The following NUP155 variants were observed in gnomAD, a reference collection of about 807,000 sequenced individuals.
NUP155 encodes nucleoporin 155.
In NUP155, 71 loss-of-function variants were observed where a neutral mutation model predicts 180.4. The observed-to-expected ratio is 0.39, with a 90% CI of 0.33 to 0.48. The LOEUF (loss-of-function observed/expected upper bound fraction) is 0.48, where lower values mean the gene tolerates loss of function less well. Among genes scored for constraint, NUP155 ranks in the 20% least tolerant of loss-of-function variants. The pLI, the probability that NUP155 is intolerant of heterozygous loss-of-function variation, is 0.91. For synonymous variants in NUP155, 582 were observed against 559.5 expected, an observed-to-expected ratio of 1.04 and a Z score of -0.57; for missense variants, 1,553 against 1,648.9, an observed-to-expected ratio of 0.94 and a Z score of 1.01.
intron 13 of NUP155, 36 bp downstream of exon 13, chr5:37,333,427 T>C (rs748886135): frequency 6.3e-7 from 1 of 1,582,614 alleles, no homozygotes; most frequent in Middle Eastern, 1.7e-4. Flanking sequence ...ATACATCGCT[T>C]ATTTTTGTCA....
intron 6 of NUP155, 93 bp from the exon 7 acceptor site, chr5:37,350,358 T>C (rs1051914811): frequency 2.5e-6 from 2 of 801,562 alleles, no homozygotes; most frequent in Middle Eastern, 2.4e-4. Flanking sequence ...CCTTCAAATC[T>C]TCATGAAATA....
chr5:37,306,505 ACGCCCAGGC>A (rs1743164481), intron 25 of NUP155, among the ~76,000 whole-genome samples: 1 of 152,140 alleles, frequency 6.6e-6, no homozygotes, highest in Admixed American at 6.5e-5. Flanking sequence ...CCCTGCTCTG[ACGCCCAGGC>A]TGGAGTTCTG....
At chr5:37,326,799 A>T (rs1183627453) in intron 18 of NUP155, among the ~76,000 whole-genome samples, 1 of 152,222 alleles carries the variant, frequency 6.6e-6, no homozygotes, top group African/African-American at 2.4e-5. Context: ...CTGTAGACAC[A>T]TGTCACTGAG....
Position 37,331,733 on chromosome 5 carries a change from A to G in NUP155, c.1581T>C (p.Asn527=), listed in dbSNP as rs1311492547. 1 of 1,611,296 alleles carries G rather than the reference A, an allele frequency of 6.2e-7. No individual in the cohort carries two copies. The highest frequency in any genetic ancestry group is 1.1e-5 in the South Asian group (1 of 91,050). ...CAATCTCTTCTCCATCTCCTCCCAC[A>G]TTACTCACAAGTAGATGCCTCAGTT... ...VDQLRHLLVS[N]VGGDGEEIER... is the part of the protein sequence containing the mutation. The change falls in exon 14 of 35, where the codon AAT becomes AAC. Residue 527 remains asparagine (N), a synonymous_variant. Coordinates refer to ENST00000231498, the MANE Select transcript of NUP155 (RefSeq NM_153485.3).
intron 11 of NUP155, among the ~76,000 whole-genome samples, chr5:37,338,337 A>T (rs1055153548): frequency 2.7e-5 from 4 of 149,556 alleles, no homozygotes; most frequent in African/African-American, 1.0e-4. Flanking sequence ...AAAAAAAAAA[A>T]TTTTACAAAA....
chr5:37,354,633 G>GT (rs1269357713), intron 4 of NUP155, among the ~76,000 whole-genome samples: 5 of 149,262 alleles, frequency 3.3e-5, no homozygotes, highest in South Asian at 4.3e-4. Context: ...TTATGTTTCT[G>GT]TTTTTTGCAG....
In NUP155 at chr5:37,291,748, C is replaced by G; in HGVS notation, c.*152G>C. 1.7e-6 allele frequency: 1 copy of G among 603,070 alleles called. No homozygotes were observed. The highest frequency in any genetic ancestry group is 4.7e-4 in the Middle Eastern group (1 of 2,112). 37.4% of individuals were successfully genotyped at this position (603,070 alleles called of 1,614,324 possible). A position where few individuals can be genotyped will look rare whatever the true frequency, so the allele number is the denominator to read the frequency against. On this transcript the variant is annotated 3_prime_UTR_variant, in exon 35 of 35. Transcript: ENST00000231498. ...TAGTCATAAAAAAGAATTCATTTAG[C>G]AAAGGTACTATTTGTAGATATTAGC...
chr5:37,301,670 C>G (rs984510737), intron 29 of NUP155, 120 bp from the exon 30 acceptor site: 1 of 709,914 alleles, frequency 1.4e-6, no homozygotes, highest in Non-Finnish European at 2.6e-6. Flanking sequence ...ATGAAGATTT[C>G]TATCATAATA....
rs371894478 is a variant in NUP155 at position 37,364,188 on chromosome 5, A to G, written c.295+59T>C. The G allele has an allele frequency of 1.5e-5, 20 of 1,365,670 alleles. No individual in the cohort carries two copies. In the Middle Eastern group the frequency reaches 7.1e-4, roughly 49 times the overall value. 84.6% of individuals were successfully genotyped at this position (1,365,670 alleles called of 1,614,324 possible). ...ATTAATTAAACATAGAACAAGAATT[A>G]TAAGAATGAAAAATACCAATTTTAA... is the stretch of plus-strand genomic sequence containing the variant. On this transcript the variant is annotated intron_variant, in intron 2 of 34. Coordinates refer to ENST00000231498, the MANE Select transcript of NUP155 (RefSeq NM_153485.3).
chr5:37,340,556 A>C (rs1350590687), intron 11 of NUP155, among the ~76,000 whole-genome samples: 3 of 152,252 alleles, frequency 2.0e-5, no homozygotes, highest in Non-Finnish European at 4.4e-5. Flanking sequence ...AATATAGACC[A>C]ACAGAATAGA....
chr5:37,360,220 C>A (rs1358287720), intron 3 of NUP155, among the ~76,000 whole-genome samples: 3 of 151,896 alleles, frequency 2.0e-5, no homozygotes, highest in African/African-American at 7.3e-5. Context: ...TGGTGGCTCA[C>A]GCCTGTAATC....
chr5:37,338,538 C>G (rs1745502694), intron 11 of NUP155, among the ~76,000 whole-genome samples: 1 of 151,402 alleles, frequency 6.6e-6, no homozygotes, highest in Non-Finnish European at 1.5e-5. Context: ...TCCCGAGTAG[C>G]TGGGACTACG....
Position 37,294,329 on chromosome 5 carries a change from C to T in NUP155, c.3930G>A (p.Arg1310=). 1 of 1,560,938 alleles carries T rather than the reference C, an allele frequency of 6.4e-7. No individual in the cohort carries two copies. The highest frequency in any genetic ancestry group is 8.8e-7 in the Non-Finnish European group (1 of 1,137,014). Reference sequence around the variant, plus strand: ...TTATGTTATTTAATATTTTCCTTACCCGTGATTTGAACAACTGATCATAAA... The same window carrying T: ...TTATGTTATTTAATATTTTCCTTACTCGTGATTTGAACAACTGATCATAAA... ...LEVYDQLFKS[R]DPFWNRMKKP... The change falls in exon 33 of 35, where the codon CGG becomes CGA. Residue 1310 remains arginine (R), a splice_region_variant and synonymous_variant. Coordinates refer to ENST00000231498, the MANE Select transcript of NUP155 (RefSeq NM_153485.3).
chr5:37,343,047 C>T (rs1479248357), intron 9 of NUP155, among the ~76,000 whole-genome samples: 2 of 152,044 alleles, frequency 1.3e-5, no homozygotes, highest in East Asian at 1.9e-4. Flanking sequence ...CTGTGCCCGA[C>T]CACATATTTC....
At chr5:37,293,059 T>G in intron 33 of NUP155, 74 bp from the exon 34 acceptor site, 1 of 1,016,776 alleles carries the variant, frequency 9.8e-7, no homozygotes, top group Non-Finnish European at 1.6e-6. Flanking sequence ...TATACTAAAG[T>G]AGACATCAGG....
intron 1 of NUP155, among the ~76,000 whole-genome samples, chr5:37,365,383 T>C (rs767942841): frequency 6.6e-6 from 1 of 151,962 alleles, no homozygotes; most frequent in Non-Finnish European, 1.5e-5. Context: ...TCACATTGCA[T>C]GCCTGTATCA....
rs769104989 is a variant in NUP155, at chr5:37,302,885, C to A, written c.3341G>T (p.Arg1114Leu). 1 of 1,613,838 alleles carries A rather than the reference C, an allele frequency of 6.2e-7. No homozygotes were observed. Among genetic ancestry groups the A allele is most frequent in the Admixed American group, 1.7e-5 (1 of 59,986 alleles). ...MHSTEISLQQ[R>L]LEYIARAILS... is the part of the protein sequence containing the mutation. Reference sequence around the variant, plus strand: ...AATGGCTCGAGCAATGTACTCTAGTCGCTGCTGAAGTGAAATTTCTGTGCT... The same window carrying A: ...AATGGCTCGAGCAATGTACTCTAGTAGCTGCTGAAGTGAAATTTCTGTGCT... The change falls in exon 29 of 35, where the codon CGA becomes CTA. Residue 1114 changes from arginine to leucine, a missense_variant. Arg to Leu is a moderately radical substitution (Grantham distance 102). Coordinates refer to ENST00000231498, the MANE Select transcript of NUP155 (RefSeq NM_153485.3).
chr5:37,353,277 C>A (rs1442567841), intron 4 of NUP155, among the ~76,000 whole-genome samples: 1 of 151,666 alleles, frequency 6.6e-6, no homozygotes, highest in African/African-American at 2.4e-5. Context: ...CACACACACA[C>A]AAAATGGAAT....
chr5:37,329,851 A>G (rs1435010837), intron 15 of NUP155, among the ~76,000 whole-genome samples, 187 bp downstream of exon 15: 1 of 152,210 alleles, frequency 6.6e-6, no homozygotes, highest in Admixed American at 6.6e-5. Context: ...TGCATAAACT[A>G]TGCTAATTTA....
Sources: allele counts gnomAD v4.1 joint callset (sites outside exome capture counted in the v4.1 genomes callset), GRCh38; gene constraint gnomAD v4.1.1; transcripts MANE v1.5; gene names NCBI Gene and HGNC (gene_info 2026-07-23, HGNC 2026-07-21).